Variants in TNR observed in about 807,000 individuals in gnomAD.
TNR encodes tenascin-R.
TNR carries 45 observed loss-of-function variants against 150.4 expected under a neutral mutation model. That is an observed-to-expected ratio of 0.30 (90% CI 0.24 to 0.38). TNR has a LOEUF of 0.38. TNR is among the 10% of genes least tolerant of loss of function. The probability of loss-of-function intolerance (pLI) is 1.00; values close to 1 mark genes in which losing one functional copy is unlikely to be tolerated. For missense variants in TNR, 1,544 were observed against 1,759.1 expected (o/e 0.88, Z 2.19); for synonymous variants, 687 against 678.4 (o/e 1.01, Z -0.20).
chr1:175,464,530 T>TA (rs1176370762), intron 2 of TNR, among the ~76,000 whole-genome samples: 2 of 152,180 alleles, frequency 1.3e-5, no homozygotes, highest in Admixed American at 6.5e-5. Flanking sequence ...TCAGATGTAA[T>TA]AGCACCCAGA....
At chr1:175,484,435 C>T (rs1176766192) in intron 2 of TNR, among the ~76,000 whole-genome samples, 1 of 152,030 alleles carries the variant, frequency 6.6e-6, no homozygotes, top group Non-Finnish European at 1.5e-5. Context: ...AATTTCCTTC[C>T]CTTACCTTTC....
At chr1:175,742,564 A>G (rs1667960630) in intron 1 of TNR, among the ~76,000 whole-genome samples, 1 of 152,152 alleles carries the variant, frequency 6.6e-6, no homozygotes. Flanking sequence ...TGAAGTCAGA[A>G]GGGACCTCAA....
At chr1:175,520,217 C>T in intron 2 of TNR, among the ~76,000 whole-genome samples, 1 of 152,142 alleles carries the variant, frequency 6.6e-6, no homozygotes, top group East Asian at 1.9e-4. Context: ...CTCTAAAGTC[C>T]TAGGCTGAAC....
At chr1:175,701,199 GT>G (rs1267827447) in intron 1 of TNR, among the ~76,000 whole-genome samples, 1 of 151,806 alleles carries the variant, frequency 6.6e-6, no homozygotes, top group Non-Finnish European at 1.5e-5. Context: ...TTTCATTTTT[GT>G]TTTGTTTCCT....
intron 1 of TNR, among the ~76,000 whole-genome samples, chr1:175,622,555 C>T (rs1236523772): frequency 1.3e-5 from 2 of 152,248 alleles, no homozygotes; most frequent in African/African-American, 2.4e-5. Flanking sequence ...CACTCACACC[C>T]TGTCCTTTGC....
At chr1:175,623,868 T>C (rs890481216) in intron 1 of TNR, among the ~76,000 whole-genome samples, 1 of 152,248 alleles carries the variant, frequency 6.6e-6, no homozygotes, top group Non-Finnish European at 1.5e-5. Context: ...CCACACTGGT[T>C]ACAGGTGAAG....
chr1:175,418,550 C>A (rs1654610076), intron 2 of TNR, among the ~76,000 whole-genome samples: 1 of 152,112 alleles, frequency 6.6e-6, no homozygotes, highest in Non-Finnish European at 1.5e-5. Flanking sequence ...GGCAAAACCC[C>A]ACCTCTACTA....
At chr1:175,383,449 T>G (rs1198856462) in intron 8 of TNR, among the ~76,000 whole-genome samples, 2 of 152,208 alleles carry the variant, frequency 1.3e-5, no homozygotes, top group African/African-American at 4.8e-5. Context: ...AGTTCCCTCC[T>G]GAGGGCAACT....
In TNR at chr1:175,620,129, C is replaced by A. The variant is rs76072014; in HGVS notation, c.-164-91760G>T. Among the ~76,000 whole-genome samples, 1,138 of 152,258 alleles carry A rather than the reference C, an allele frequency of 7.5e-3. 9 individuals are homozygous for A. The highest frequency in any genetic ancestry group is 0.025 in the African/African-American group (1,044 of 41,540). On this transcript the variant is annotated intron_variant, in intron 1 of 22. Coordinates refer to ENST00000367674, the MANE Select transcript of TNR (RefSeq NM_003285.3). ...CTGGCTCTTCCTTGGGCAAGGAAGTCCAAGAAGTGATTTCAGGGGCCCAGA... is the reference window on the plus strand; with the variant it reads ...CTGGCTCTTCCTTGGGCAAGGAAGTACAAGAAGTGATTTCAGGGGCCCAGA...
intron 2 of TNR, among the ~76,000 whole-genome samples, chr1:175,488,732 T>C (rs762936408): frequency 3.9e-5 from 6 of 152,106 alleles, no homozygotes; most frequent in Non-Finnish European, 8.8e-5. Context: ...AGCAAGAAGA[T>C]GAAACTCCCA....
intron 1 of TNR, among the ~76,000 whole-genome samples, chr1:175,632,797 G>A (rs548054765): frequency 1.6e-4 from 24 of 152,230 alleles, no homozygotes; most frequent in African/African-American, 5.8e-4. Flanking sequence ...CATACCGATG[G>A]TACATGGGAA....
intron 2 of TNR, among the ~76,000 whole-genome samples, chr1:175,414,625 T>C (rs1484862272): frequency 6.6e-6 from 1 of 152,182 alleles, no homozygotes; most frequent in Non-Finnish European, 1.5e-5. Flanking sequence ...GATAGCAAGA[T>C]TGTCCTCAAG....
At chr1:175,553,817 A>ACACACACACACACACACAC (rs1553238669) in intron 1 of TNR, among the ~76,000 whole-genome samples, 2 of 145,390 alleles carry the variant, frequency 1.4e-5, no homozygotes, top group Non-Finnish European at 3.0e-5. Flanking sequence ...TACAAGAACA[A>ACACACACACACACACACAC]ACACACACAC....
chr1:175,572,475 T>C (rs1215724699), intron 1 of TNR, among the ~76,000 whole-genome samples: 3 of 152,152 alleles, frequency 2.0e-5, no homozygotes, highest in Non-Finnish European at 4.4e-5. Flanking sequence ...CTCTTGATAT[T>C]CCTCTTGATA....
intron 1 of TNR, chr1:175,556,722 C>G (rs1486453147): frequency 6.6e-6 from 1 of 152,496 alleles, no homozygotes; most frequent in Non-Finnish European, 1.5e-5. Flanking sequence ...GTTGCCCCCT[C>G]TCATGGTACC....
intron 2 of TNR, among the ~76,000 whole-genome samples, chr1:175,462,368 G>C (rs555052396): frequency 2.6e-5 from 4 of 152,274 alleles, no homozygotes; most frequent in Non-Finnish European, 4.4e-5. Flanking sequence ...GTCTTCTCAG[G>C]CTTCTTGTGT....
At chr1:175,354,250 G>A (rs10912966) in intron 18 of TNR, 141 bp downstream of exon 18, 100,583 of 1,148,000 alleles carry the variant, frequency 0.088, 5,019 homozygotes, top group African/African-American at 0.17. Flanking sequence ...TCCTGGTAGG[G>A]GCTTGGACAG....
chr1:175,469,667 A>C (rs1030709889), intron 2 of TNR, among the ~76,000 whole-genome samples: 1 of 151,874 alleles, frequency 6.6e-6, no homozygotes, highest in Non-Finnish European at 1.5e-5. Flanking sequence ...GAGTAAAGGG[A>C]TGAGAGATTG....
At chr1:175,327,378 C>A (rs1386696676) in intron 21 of TNR, among the ~76,000 whole-genome samples, 5 of 152,188 alleles carry the variant, frequency 3.3e-5, no homozygotes, top group African/African-American at 1.2e-4. Context: ...TAATTTCCAA[C>A]ATTAGTCAAG....
Sources: allele counts gnomAD v4.1 joint callset (sites outside exome capture counted in the v4.1 genomes callset), GRCh38; gene constraint gnomAD v4.1.1; transcripts MANE v1.5; gene names NCBI Gene and HGNC (gene_info 2026-07-23, HGNC 2026-07-21).